Variants in AKAP19 observed in about 807,000 individuals in gnomAD.
AKAP19 encodes the protein A-kinase anchoring protein 19, also known as small A-kinase anchoring protein.
chr2:190,164,038 G>A, the AKAP19 span: 3 of 152,230 alleles, frequency 2.0e-5, no homozygotes, highest in Non-Finnish European at 4.4e-5. Context: ...AGACCGACTG[G>A]TGGAGACAGT....
At chr2:190,090,076 T>C in the AKAP19 span, among the ~76,000 whole-genome samples, 14 of 152,242 alleles carry the variant, frequency 9.2e-5, no homozygotes, top group Non-Finnish European at 1.8e-4. Flanking sequence ...TGTAATCTCA[T>C]TGTCCCTTTT....
chr2:190,144,465 A>G, the AKAP19 span, among the ~76,000 whole-genome samples: 2 of 152,154 alleles, frequency 1.3e-5, no homozygotes, highest in African/African-American at 2.4e-5. Flanking sequence ...ATTTGATTCA[A>G]ATATAAAAAT....
chr2:190,115,259 G>GCATA, the AKAP19 span, among the ~76,000 whole-genome samples: 1 of 26,210 alleles, frequency 3.8e-5, no homozygotes, highest in South Asian at 3.2e-3. Context: ...AAGGCAAGAA[G>GCATA]CATATATATA....
chr2:190,105,481 C>T, the AKAP19 span, among the ~76,000 whole-genome samples: 1 of 152,008 alleles, frequency 6.6e-6, no homozygotes, highest in Non-Finnish European at 1.5e-5. Context: ...ACAAACTGTC[C>T]CCAGACATCT....
the AKAP19 span, among the ~76,000 whole-genome samples, chr2:189,948,931 T>G: frequency 1.3e-5 from 2 of 152,192 alleles, no homozygotes; most frequent in African/African-American, 4.8e-5. Context: ...GATTTTTGTT[T>G]TGTTTTTCTA....
the AKAP19 span, among the ~76,000 whole-genome samples, chr2:189,937,474 C>T: frequency 0.024 from 3,707 of 152,172 alleles, 67 homozygotes; most frequent in Non-Finnish European, 0.036. Context: ...GAGATCATCA[C>T]CAGCAATATC....
the AKAP19 span, among the ~76,000 whole-genome samples, chr2:189,956,421 G>A: frequency 6.6e-6 from 1 of 151,560 alleles, no homozygotes; most frequent in Admixed American, 6.6e-5. Flanking sequence ...CGCCCGCCTC[G>A]GCCTCCCAAA....
the AKAP19 span, among the ~76,000 whole-genome samples, chr2:189,920,632 A>G: frequency 6.6e-6 from 1 of 152,184 alleles, no homozygotes; most frequent in Non-Finnish European, 1.5e-5. Flanking sequence ...TTTCTGCTTA[A>G]TTCCTGTTTT....
chr2:189,927,778 C>G, the AKAP19 span, among the ~76,000 whole-genome samples: 1 of 152,156 alleles, frequency 6.6e-6, no homozygotes, highest in Non-Finnish European at 1.5e-5. Flanking sequence ...CTGTGCTGTT[C>G]AGTCTGGTGG....
At chr2:190,084,095 T>TTG in the AKAP19 span, among the ~76,000 whole-genome samples, 6 of 150,040 alleles carry the variant, frequency 4.0e-5, no homozygotes, top group South Asian at 6.4e-4. Flanking sequence ...CTCAGGTTTT[T>TTG]TTTTTTTTTT....
At chr2:190,184,653 G>A in the AKAP19 span, among the ~76,000 whole-genome samples, 1 of 152,192 alleles carries the variant, frequency 6.6e-6, no homozygotes, top group Non-Finnish European at 1.5e-5. Context: ...GCAATAAGGA[G>A]ATACGGCTTC....
At chr2:189,963,767 TC>T in the AKAP19 span, among the ~76,000 whole-genome samples, 2 of 146,256 alleles carry the variant, frequency 1.4e-5, no homozygotes, top group African/African-American at 5.0e-5. Flanking sequence ...ATAATATATT[TC>T]TTTTTTTTTT....
At chr2:190,147,723 T>G in the AKAP19 span, among the ~76,000 whole-genome samples, 1 of 137,802 alleles carries the variant, frequency 7.3e-6, no homozygotes, top group Admixed American at 7.9e-5. Flanking sequence ...ATTCCTTGGT[T>G]AGGTATATTT....
the AKAP19 span, among the ~76,000 whole-genome samples, chr2:190,183,998 T>C: frequency 6.6e-6 from 1 of 152,064 alleles, no homozygotes; most frequent in Non-Finnish European, 1.5e-5. Flanking sequence ...TTCCATATAG[T>C]AAGTATACTA....
chr2:190,189,071 T>C, the AKAP19 span, among the ~76,000 whole-genome samples: 2 of 152,118 alleles, frequency 1.3e-5, no homozygotes, highest in African/African-American at 4.8e-5. Context: ...CCTGGGGTAG[T>C]AGTACCCAGA....
chr2:190,000,181 T>C, the AKAP19 span, among the ~76,000 whole-genome samples: 298 of 152,332 alleles, frequency 2.0e-3, 2 homozygotes, highest in African/African-American at 4.3e-3. Flanking sequence ...ACCTCAGACC[T>C]ACTAATTATA....
chr2:190,032,144 C>G, the AKAP19 span, among the ~76,000 whole-genome samples: 3 of 151,960 alleles, frequency 2.0e-5, no homozygotes, highest in East Asian at 1.9e-4. Context: ...CTATAGTTTT[C>G]TGTTAAGGAG....
the AKAP19 span, among the ~76,000 whole-genome samples, chr2:190,166,462 C>T: frequency 6.6e-6 from 1 of 150,650 alleles, no homozygotes; most frequent in African/African-American, 2.4e-5. Flanking sequence ...ACATTAATAC[C>T]AATACAGGAG....
chr2:190,114,378 A>G, the AKAP19 span, among the ~76,000 whole-genome samples: 1 of 152,226 alleles, frequency 6.6e-6, no homozygotes. Context: ...AAAGGGATGT[A>G]TAATACATTT....
Sources: gnomAD v4.1 joint callset for allele counts (sites outside exome capture counted in the v4.1 genomes callset) on GRCh38, gnomAD v4.1.1 for gene constraint, MANE v1.5 for transcripts, NCBI Gene and HGNC (gene_info 2026-07-23, HGNC 2026-07-21) for gene names.